QSER1: variants seen among roughly 807,000 people sequenced by gnomAD.
The protein encoded by QSER1 is glutamine and serine-rich protein 1.
In QSER1, 49 loss-of-function variants were observed where a neutral mutation model predicts 158.5. The observed-to-expected ratio is 0.31, with a 90% CI of 0.25 to 0.39. QSER1 has a LOEUF of 0.39. QSER1 is among the 10% of genes least tolerant of loss of function. The pLI, the probability that QSER1 is intolerant of heterozygous loss-of-function variation, is 1.00. For synonymous variants in QSER1, 650 were observed against 715.5 expected (o/e 0.91, Z 1.46); for missense variants, 1,754 against 2,010.3 (o/e 0.87, Z 2.44).
At chr11:32,952,201 T>G (rs1056161248) in intron 4 of QSER1, among the ~76,000 whole-genome samples, 1 of 152,228 alleles carries the variant, frequency 6.6e-6, no homozygotes. Flanking sequence ...TCTTCAGATA[T>G]CCTTCTTAGG....
At position 32,964,389 on chromosome 11, in the gene QSER1, A is replaced by AT. The variant is rs1203032705; in HGVS notation, c.4970-1909dup. Among the ~76,000 whole-genome samples, 3 of 152,128 alleles carry AT rather than the reference A, an allele frequency of 2.0e-5. No individual in the cohort carries two copies. The South Asian group carries it at 6.2e-4, about 32-fold the overall frequency. The stretch of plus-strand genomic sequence containing the variant: ...AGTACAGTTTGTTGTCATTGCCTTG[A>AT]TTCGTGGGGTAAGGCACCATCAATT... On this transcript the variant is annotated intron_variant, in intron 8 of 12. Coordinates refer to ENST00000650167, the MANE Select transcript of QSER1 (RefSeq NM_001076786.3).
At chr11:32,927,920 T>TTC (rs1057002355) in intron 2 of QSER1, 42 bp from the exon 3 acceptor site, 13 of 532,780 alleles carry the variant, frequency 2.4e-5, no homozygotes, top group Non-Finnish European at 3.8e-5. Flanking sequence ...CAAGTAAATT[T>TTC]TTTTTTTTTT....
At chr11:32,952,087 G>A (rs954169613) in intron 4 of QSER1, among the ~76,000 whole-genome samples, 18 of 152,046 alleles carry the variant, frequency 1.2e-4, no homozygotes, top group African/African-American at 9.7e-5. Flanking sequence ...TCATCCGCCC[G>A]CCTCAGCCTC....
At position 32,979,401 on chromosome 11, in the gene QSER1, A is replaced by G. The variant is rs902749507; in HGVS notation, c.*2927A>G. ...GTGTTGGTGTTTATTACTAGTTCAGATGAGTGGCTGCTGAAGGGGCCCCCT... is the reference window on the plus strand; with the variant it reads ...GTGTTGGTGTTTATTACTAGTTCAGGTGAGTGGCTGCTGAAGGGGCCCCCT... On this transcript the variant is annotated 3_prime_UTR_variant, in exon 13 of 13. Transcript: ENST00000650167. 6.6e-6 allele frequency: 1 copy of G among 152,438 alleles called. No homozygotes were observed. The highest frequency in any genetic ancestry group is 6.5e-5 in the Admixed American group (1 of 15,270). 9.4% of individuals were successfully genotyped at this position (152,438 alleles called of 1,614,324 possible).
intron 4 of QSER1, among the ~76,000 whole-genome samples, chr11:32,942,284 GT>G (rs1852253196): frequency 6.9e-6 from 1 of 144,096 alleles, no homozygotes; most frequent in Non-Finnish European, 1.5e-5. Flanking sequence ...TGCTTTTGGT[GT>G]TTTAGACATG....
At chr11:32,936,159 G>C (rs1431868830) in intron 4 of QSER1, among the ~76,000 whole-genome samples, 2 of 151,938 alleles carry the variant, frequency 1.3e-5, no homozygotes, top group Admixed American at 1.3e-4. Context: ...TTTAACATTA[G>C]GTATATCTCC....
chr11:32,909,225 T>C (rs1298362894), intron 1 of QSER1, among the ~76,000 whole-genome samples: 1 of 152,188 alleles, frequency 6.6e-6, no homozygotes, highest in African/African-American at 2.4e-5. Flanking sequence ...GTGATTGTCT[T>C]TTTTATTATT....
chr11:32,963,378 C>T (rs1246490279), intron 8 of QSER1, among the ~76,000 whole-genome samples: 3 of 151,856 alleles, frequency 2.0e-5, no homozygotes, highest in African/African-American at 7.3e-5. Context: ...TTGTTTGAGA[C>T]GGAGTCTCGC....
chr11:32,917,363 G>A (rs1457618922), intron 1 of QSER1, among the ~76,000 whole-genome samples: 5 of 152,146 alleles, frequency 3.3e-5, no homozygotes, highest in African/African-American at 1.2e-4. Flanking sequence ...ATTCTCATGG[G>A]TATATGGGAG....
At position 32,975,329 on chromosome 11, in the gene QSER1, A is replaced by T. The variant is rs774992807; in HGVS notation, c.5440A>T (p.Ile1814Leu). 8 of 1,595,646 alleles carry T rather than the reference A, an allele frequency of 5.0e-6. No homozygotes were observed. The highest frequency in any genetic ancestry group is 6.0e-6 in the Non-Finnish European group (7 of 1,164,066). Residue 1814 changes from isoleucine to leucine, a missense_variant, in exon 12 of 13, where the codon ATA becomes TTA. Ile to Leu is a conservative substitution (Grantham distance 5). This residue lies in a region of QSER1 where 47 missense variants were observed against 90.7 expected (regional missense o/e 0.52). Coordinates refer to ENST00000650167, the MANE Select transcript of QSER1 (RefSeq NM_001076786.3). ...LHHYKYHVYL[I>L]CKDEISSVQK... ...TCATTATAAGTACCATGTTTATCTG[A>T]TATGTAAGGATGAGGTAATTTCTTC...
At chr11:32,957,780 C>A in intron 7 of QSER1, 89 bp from the exon 8 acceptor site, 1 of 1,059,010 alleles carries the variant, frequency 9.4e-7, no homozygotes, top group Non-Finnish European at 1.4e-6. Flanking sequence ...ATTAGATAAT[C>A]TTCTCCTGTG....
intron 8 of QSER1, among the ~76,000 whole-genome samples, chr11:32,962,008 G>C (rs1253014372): frequency 6.6e-6 from 1 of 152,158 alleles, no homozygotes. Context: ...AAGCAGAATT[G>C]TTACTATTGT....
chr11:32,905,296 A>G (rs1451433966), intron 1 of QSER1, among the ~76,000 whole-genome samples: 2 of 152,260 alleles, frequency 1.3e-5, no homozygotes, highest in Non-Finnish European at 2.9e-5. Flanking sequence ...ATAAGCTAAA[A>G]TACTTTTGCT....
Position 32,976,505 on chromosome 11 carries a change from C to T in QSER1, c.*31C>T. ...CCACAAAAATCCCATCTTTTTATAG[C>T]ACTAATGAAATGGCAGATATGGGGT... On this transcript the variant is annotated 3_prime_UTR_variant, in exon 13 of 13. Transcript: ENST00000650167. The T allele has an allele frequency of 1.2e-6, 2 of 1,607,726 alleles. No homozygotes were observed. The highest frequency in any genetic ancestry group is 1.1e-5 in the South Asian group (1 of 89,816).
intron 4 of QSER1, among the ~76,000 whole-genome samples, chr11:32,945,073 G>C (rs1412953411): frequency 7.3e-4 from 91 of 124,462 alleles, no homozygotes; most frequent in African/African-American, 2.8e-3. Flanking sequence ...GCCTTTTTTT[G>C]TTTTCCATTT....
rs1261078758 is a variant in QSER1 at position 32,971,297 on chromosome 11, AAG to A, written c.5206-2098_5206-2097del. Among the ~76,000 whole-genome samples the A allele has an allele frequency of 7.2e-5, 11 of 152,192 alleles. No homozygotes were observed. The East Asian group carries it at 2.1e-3, about 29-fold the overall frequency. On this transcript the variant is annotated intron_variant, in intron 10 of 12. Coordinates refer to ENST00000650167, the MANE Select transcript of QSER1 (RefSeq NM_001076786.3). ...AGTAAAATATTACAAATAGTAGAGA[AAG>A]AAAGATTTTTCTGTTCTTTAGAAAT...
rs201182944 is a variant in QSER1 at position 32,933,037 on chromosome 11, G to C, written c.1779G>C (p.Glu593Asp). 1.2e-6 allele frequency: 2 copies of C among 1,612,704 alleles called. No individual in the cohort carries two copies. Among genetic ancestry groups the C allele is most frequent in the Non-Finnish European group, 1.7e-6 (2 of 1,179,980 alleles). ...VSLSESYASG[E>D]SLTLTAPSLS... is the part of the protein sequence containing the mutation. ...TTTCAGAAAGCTATGCTTCAGGGGA[G>C]TCCCTAACATTAACAGCCCCTTCTC... The change falls in exon 4 of 13, where the codon GAG (glutamate) becomes GAC (aspartate). Residue 593 changes from glutamate to aspartate, a missense_variant. Physicochemically the swap from Glu to Asp is conservative, Grantham distance 45 (BLOSUM62 2). Transcript: ENST00000650167.
chr11:32,939,181 T>TTAC (rs1485172019), intron 4 of QSER1, among the ~76,000 whole-genome samples: 1 of 152,196 alleles, frequency 6.6e-6, no homozygotes, highest in African/African-American at 2.4e-5. Flanking sequence ...TCAAAGTGAC[T>TTAC]GGTATGTTTT....
chr11:32,961,642 A>G (rs542233383), intron 8 of QSER1, among the ~76,000 whole-genome samples: 10 of 152,274 alleles, frequency 6.6e-5, no homozygotes, highest in African/African-American at 2.4e-4. Context: ...TTCTCTAGCT[A>G]CTGGTAACCT....
Sources: gnomAD v4.1 joint callset for allele counts (sites outside exome capture counted in the v4.1 genomes callset) on GRCh38, gnomAD v4.1.1 for gene constraint, gnomAD v4.1.1 regional missense constraint, MANE v1.5 for transcripts, NCBI Gene and HGNC (gene_info 2026-07-23, HGNC 2026-07-21) for gene names.